The following MLLT1 variants were observed in gnomAD, a reference collection of about 807,000 sequenced individuals.
MLLT1 encodes the protein protein ENL.
MLLT1 carries 11 observed loss-of-function variants against 55.1 expected under a neutral mutation model. The ratio of observed to expected loss-of-function variants is 0.20; its 90% confidence interval spans 0.13 to 0.33. The LOEUF (loss-of-function observed/expected upper bound fraction) is 0.33, where lower values mean the gene tolerates loss of function less well. Ranked by LOEUF, MLLT1 falls within the 10% of genes least tolerant of loss-of-function variation. The pLI, the probability that MLLT1 is intolerant of heterozygous loss-of-function variation, is 1.00. For synonymous variants in MLLT1, 323 were observed against 320.1 expected, an observed-to-expected ratio of 1.01 and a Z score of -0.10; for missense variants, 536 against 760.6, an observed-to-expected ratio of 0.70 and a Z score of 3.47.
chr19:6,243,919 C>T (rs2091140939), intron 3 of MLLT1, among the ~76,000 whole-genome samples: 1 of 151,838 alleles, frequency 6.6e-6, no homozygotes, highest in Non-Finnish European at 1.5e-5. Flanking sequence ...TGGCGGGCGC[C>T]TGTAGTCCCA....
chr19:6,237,837 C>T (rs1217345490), intron 3 of MLLT1, among the ~76,000 whole-genome samples: 1 of 151,706 alleles, frequency 6.6e-6, no homozygotes, highest in Non-Finnish European at 1.5e-5. Flanking sequence ...CACAATGGCT[C>T]ATGCCTGCAA....
rs1237679504 is a variant in MLLT1, at chr19:6,240,561, C to G, written c.277-9848G>C. On this transcript the variant is annotated intron_variant, in intron 3 of 11. Transcript: ENST00000252674. The surrounding 1 kb of genome is among the most constrained non-coding windows in gnomAD (Gnocchi z 4.7). ...CTCAAGTGCTACTCCTCATCACACGCTGGCCCAGAGACCCCCGGGATACAC... is the reference window on the plus strand; with the variant it reads ...CTCAAGTGCTACTCCTCATCACACGGTGGCCCAGAGACCCCCGGGATACAC... 1.3e-5 allele frequency among the ~76,000 whole-genome samples: 2 copies of G among 152,184 alleles called. No individual in the cohort carries two copies. Among genetic ancestry groups the G allele is most frequent in the Non-Finnish European group, 2.9e-5 (2 of 68,014 alleles).
chr19:6,272,773 G>A (rs1276484226), intron 1 of MLLT1, among the ~76,000 whole-genome samples: 2 of 152,212 alleles, frequency 1.3e-5, no homozygotes, highest in Non-Finnish European at 2.9e-5. Context: ...GGAGACGGCA[G>A]GGCCATGGTG....
chr19:6,277,567 A>G (rs1390062051), intron 1 of MLLT1, among the ~76,000 whole-genome samples: 1 of 152,154 alleles, frequency 6.6e-6, no homozygotes, highest in Admixed American at 6.5e-5. Context: ...TCTCTCCCAC[A>G]CCTGTCCACC....
chr19:6,250,787 G>A (rs1192763314), intron 3 of MLLT1, among the ~76,000 whole-genome samples: 3 of 152,056 alleles, frequency 2.0e-5, no homozygotes, highest in Non-Finnish European at 4.4e-5. Context: ...ACACATACAC[G>A]CACAGCCATG....
rs1477930587 is a variant in MLLT1, at chr19:6,227,525, C to G, written c.421-423G>C. Among the ~76,000 whole-genome samples the G allele has an allele frequency of 3.9e-5, 6 of 152,230 alleles. No individual in the cohort carries two copies. Among genetic ancestry groups the G allele is most frequent in the African/African-American group, 1.4e-4 (6 of 41,458 alleles). ...CTGCGAAAGGCAGGCAGCAACTTCC[C>G]GGGGTGCACATGGGTGCAACTCCAG... On this transcript the variant is annotated intron_variant, in intron 4 of 11. Coordinates refer to ENST00000252674, the MANE Select transcript of MLLT1 (RefSeq NM_005934.4). This position sits in a 1 kb window ranked among gnomAD's most constrained non-coding sequence, Gnocchi z 5.1.
Position 6,222,496 on chromosome 19 carries a change from T to C in MLLT1, c.735A>G (p.Pro245=), listed in dbSNP as rs1422713829. The change falls in exon 6 of 12, where the codon CCA becomes CCG. Residue 245 remains proline (P), a synonymous_variant. Transcript: ENST00000252674. The surrounding 1 kb of genome is among the most constrained non-coding windows in gnomAD (Gnocchi z 4.1). ...EGRLPKEEKA[P]PPKAAFKEPK... ...GTTCCTTGAAGGCAGCCTTGGGCGG[T>C]GGCGCCTTCTCCTCCTTGGGCAGCC... The C allele has an allele frequency of 1.3e-6, 2 of 1,597,460 alleles. No homozygotes were observed. The highest frequency in any genetic ancestry group is 1.7e-6 in the Non-Finnish European group (2 of 1,178,602).
intron 3 of MLLT1, among the ~76,000 whole-genome samples, chr19:6,244,750 T>A: frequency 6.6e-6 from 1 of 152,092 alleles, no homozygotes; most frequent in East Asian, 1.9e-4. Flanking sequence ...CTAACCCAAT[T>A]TTTTTTAATG....
intron 2 of MLLT1, among the ~76,000 whole-genome samples, chr19:6,264,520 AAAAAG>A (rs371803468): frequency 2.7e-4 from 41 of 152,256 alleles, no homozygotes; most frequent in African/African-American, 8.7e-4. Flanking sequence ...AGAGTTTGAC[AAAAAG>A]AAAGAAAAAA....
intron 1 of MLLT1, among the ~76,000 whole-genome samples, chr19:6,272,163 G>A (rs992597181): frequency 2.9e-5 from 4 of 139,278 alleles, no homozygotes; most frequent in Non-Finnish European, 4.5e-5. Flanking sequence ...CGTCTTCCAC[G>A]CGTGTATTTC....
chr19:6,211,837 T>G lies in MLLT1; in HGVS notation c.*1205A>C, dbSNP rs1252993110. 9.4e-6 allele frequency: 10 copies of G among 1,063,898 alleles called. No individual in the cohort carries two copies. Among genetic ancestry groups the G allele is most frequent in the Middle Eastern group, 4.1e-4 (1 of 2,416 alleles). 65.9% of individuals were successfully genotyped at this position (1,063,898 alleles called of 1,614,324 possible). On this transcript the variant is annotated 3_prime_UTR_variant, in exon 12 of 12. Coordinates refer to ENST00000252674, the MANE Select transcript of MLLT1 (RefSeq NM_005934.4). This position sits in a 1 kb window ranked among gnomAD's most constrained non-coding sequence, Gnocchi z 4.6. The stretch of plus-strand genomic sequence containing the variant: ...GGACCGGCTTGGCCCCTGGAGAATC[T>G]CAGGCATACCAGGAGTGGGGCTGCG...
intron 3 of MLLT1, among the ~76,000 whole-genome samples, chr19:6,234,534 G>A (rs1437806248): frequency 6.6e-6 from 1 of 152,176 alleles, no homozygotes; most frequent in Admixed American, 6.5e-5. Context: ...CAGCTAACCT[G>A]CACAGACTGT....
chr19:6,258,901 C>T (rs2091280299), intron 3 of MLLT1, among the ~76,000 whole-genome samples: 1 of 152,184 alleles, frequency 6.6e-6, no homozygotes, highest in African/African-American at 2.4e-5. Context: ...GAGCCGATAC[C>T]ATCTCAACAA....
rs1031879545 is a variant in MLLT1 at position 6,262,736 on chromosome 19, G to C, written c.194-426C>G. Among the ~76,000 whole-genome samples, 1 of 152,100 alleles carries C rather than the reference G, an allele frequency of 6.6e-6. No homozygotes were observed. Among genetic ancestry groups the C allele is most frequent in the Non-Finnish European group, 1.5e-5 (1 of 68,020 alleles). On this transcript the variant is annotated intron_variant, in intron 2 of 11. Coordinates refer to ENST00000252674, the MANE Select transcript of MLLT1 (RefSeq NM_005934.4). The surrounding 1 kb of genome is among the most constrained non-coding windows in gnomAD (Gnocchi z 4.4). ...ACTCTACTGTCACCACCTCCAGCAC[G>C]GGGGCTGAGCACCTGCTGCACCACG...
At position 6,226,344 on chromosome 19, in the gene MLLT1, G is replaced by A. The variant is rs2090957007; in HGVS notation, c.546+633C>T. Among the ~76,000 whole-genome samples, 1 of 152,194 alleles carries A rather than the reference G, an allele frequency of 6.6e-6. No homozygotes were observed. Among genetic ancestry groups the A allele is most frequent in the Non-Finnish European group, 1.5e-5 (1 of 68,026 alleles). On this transcript the variant is annotated intron_variant, in intron 5 of 11. Coordinates refer to ENST00000252674, the MANE Select transcript of MLLT1 (RefSeq NM_005934.4). This position sits in a 1 kb window ranked among gnomAD's most constrained non-coding sequence, Gnocchi z 6.3. ...AAGGGACACTGTGATGCCATCAAAGGGCTTTCTAGCTTGTCTTCTGAATTG... is the reference window on the plus strand; with the variant it reads ...AAGGGACACTGTGATGCCATCAAAGAGCTTTCTAGCTTGTCTTCTGAATTG...
chr19:6,269,097 G>A (rs1429581820), intron 2 of MLLT1, among the ~76,000 whole-genome samples: 1 of 152,194 alleles, frequency 6.6e-6, no homozygotes, highest in East Asian at 1.9e-4. Flanking sequence ...GTGCAGGAGG[G>A]GCAGCCAGGC....
intron 2 of MLLT1, among the ~76,000 whole-genome samples, chr19:6,264,946 T>C (rs889771920): frequency 2.2e-5 from 1 of 45,640 alleles, no homozygotes; most frequent in Non-Finnish European, 4.6e-5. Context: ...AGAGAGGAAA[T>C]AAACAGATGG....
rs371552633 is a variant in MLLT1, at chr19:6,270,975, C to T, written c.13-216G>A. Among the ~76,000 whole-genome samples the T allele has an allele frequency of 6.6e-6, 1 of 152,272 alleles. No individual in the cohort carries two copies. The highest frequency in any genetic ancestry group is 1.9e-4 in the East Asian group (1 of 5,156). ...GTACTCCCACACAGACCCCGTGTCT[C>T]CTCTCATCCACCGCCTCATCCTCAA... On this transcript the variant is annotated intron_variant, in intron 1 of 11. Coordinates refer to ENST00000252674, the MANE Select transcript of MLLT1 (RefSeq NM_005934.4). This position sits in a 1 kb window ranked among gnomAD's most constrained non-coding sequence, Gnocchi z 7.1.
At position 6,212,218 on chromosome 19, in the gene MLLT1, C is replaced by T; in HGVS notation, c.*824G>A. Reference sequence around the variant, plus strand: ...GAGCAGACTGGTGGCTCCCGGGCGCCCTGAGGACTCGCTGCCCTTTGTAGT... The same window carrying T: ...GAGCAGACTGGTGGCTCCCGGGCGCTCTGAGGACTCGCTGCCCTTTGTAGT... On this transcript the variant is annotated 3_prime_UTR_variant, in exon 12 of 12. Coordinates refer to ENST00000252674, the MANE Select transcript of MLLT1 (RefSeq NM_005934.4). 2 of 1,066,188 alleles carry T rather than the reference C, an allele frequency of 1.9e-6. No homozygotes were observed. Among genetic ancestry groups the T allele is most frequent in the Non-Finnish European group, 2.3e-6 (2 of 879,560 alleles). The allele number at this position is 1,066,188 out of a possible 1,614,324, so 66.0% of individuals were successfully genotyped here.
Sources: allele counts gnomAD v4.1 joint callset (sites outside exome capture counted in the v4.1 genomes callset), GRCh38; gene constraint gnomAD v4.1.1; non-coding constraint Gnocchi (gnomAD v3.1); transcripts MANE v1.5; gene names NCBI Gene and HGNC (gene_info 2026-07-23, HGNC 2026-07-21).